The following MILR1 variants were observed in gnomAD, a reference collection of about 807,000 sequenced individuals.
MILR1 encodes allergin-1.
MILR1 carries 31 observed loss-of-function variants against 18.5 expected under a neutral mutation model. The observed-to-expected ratio is 1.68, with a 90% CI of 1.26 to 2.26. MILR1 has a LOEUF of 2.26. MILR1 is among the 30% of genes most tolerant of loss of function. The pLI is 0.00. For synonymous variants in MILR1, 85 were observed against 56.2 expected (o/e 1.51, Z -2.30); for missense variants, 257 against 157.4 (o/e 1.63, Z -3.38).
downstream of MILR1, among the ~76,000 whole-genome samples, chr17:64,472,072 A>G (rs1224832103): frequency 6.6e-6 from 1 of 152,234 alleles, no homozygotes; most frequent in African/African-American, 2.4e-5. Context: ...GAGGACTTTT[A>G]TAGGTATGAC....
At chr17:64,470,809 C>T (rs2037677283), downstream of MILR1, among the ~76,000 whole-genome samples, 1 of 152,156 alleles carries the variant, frequency 6.6e-6, no homozygotes, top group Non-Finnish European at 1.5e-5. Context: ...GAACCGTAGC[C>T]TCTCATTTTC....
the MILR1 span, chr17:64,496,690 A>ATT: frequency 6.2e-7 from 1 of 1,613,956 alleles, no homozygotes; most frequent in Non-Finnish European, 8.5e-7. Flanking sequence ...GGTGGCACCC[A>ATT]CTCAGAAGAG....
chr17:64,481,146 A>G, the MILR1 span: 1 of 426,320 alleles, frequency 2.3e-6, no homozygotes, highest in Non-Finnish European at 3.1e-6. Context: ...TCCCACTCTT[A>G]GGACAACCAC....
At chr17:64,464,054 C>A (rs2144066645) in intron 5 of MILR1, among the ~76,000 whole-genome samples, 1 of 151,608 alleles carries the variant, frequency 6.6e-6, no homozygotes, top group Non-Finnish European at 1.5e-5. Context: ...GAACTTCTGA[C>A]CTCGTGATCC....
chr17:64,485,678 A>C, the MILR1 span: 10 of 1,446,444 alleles, frequency 6.9e-6, no homozygotes, highest in South Asian at 6.9e-5. Context: ...AAGAACAAAC[A>C]AACCCATATT....
chr17:64,496,826 G>A, the MILR1 span: 2 of 1,613,744 alleles, frequency 1.2e-6, no homozygotes, highest in Non-Finnish European at 1.7e-6. Flanking sequence ...CTCGAGCTCC[G>A]CGTGCGACTT....
chr17:64,477,337 G>A, the MILR1 span, among the ~76,000 whole-genome samples: 20 of 152,290 alleles, frequency 1.3e-4, no homozygotes, highest in East Asian at 3.9e-4. Flanking sequence ...GACATCTCCC[G>A]ACTGGGATGT....
chr17:64,468,693 G>T (rs1555664020), downstream of MILR1: 81 of 1,016,302 alleles, frequency 8.0e-5, no homozygotes, highest in Non-Finnish European at 9.6e-5. Flanking sequence ...CACCTGTCTG[G>T]CATCTCCATG....
At chr17:64,478,129 AT>A in the MILR1 span, 1 of 758,022 alleles carries the variant, frequency 1.3e-6, no homozygotes, top group African/African-American at 1.8e-5. Flanking sequence ...AAAACCCAAC[AT>A]TTTTAAAGTT....
chr17:64,472,129 T>C (rs1473692872), downstream of MILR1, among the ~76,000 whole-genome samples: 1 of 152,044 alleles, frequency 6.6e-6, no homozygotes, highest in Non-Finnish European at 1.5e-5. Context: ...ATTAGATAAA[T>C]CATTTAATTA....
the MILR1 span, chr17:64,480,227 T>C: frequency 1.7e-6 from 1 of 572,168 alleles, no homozygotes; most frequent in Non-Finnish European, 3.0e-6. Context: ...GTTTCTGTAA[T>C]TCATAAACAT....
At chr17:64,468,266 T>C in intron 9 of MILR1, 44 bp from the exon 10 acceptor site, 1 of 455,938 alleles carries the variant, frequency 2.2e-6, no homozygotes, top group Non-Finnish European at 4.4e-6. Flanking sequence ...TGTCTTCACG[T>C]GGCCTTTTAT....
chr17:64,453,536 CTTTT>C (rs35572128), intron 3 of MILR1, among the ~76,000 whole-genome samples: 25 of 101,026 alleles, frequency 2.5e-4, no homozygotes, highest in African/African-American at 6.7e-4. Flanking sequence ...GCAAAAATCG[CTTTT>C]TTTTTTTTTT....
chr17:64,484,690 G>GA, the MILR1 span, among the ~76,000 whole-genome samples: 1 of 152,140 alleles, frequency 6.6e-6, no homozygotes, highest in East Asian at 1.9e-4. Flanking sequence ...GTAAGAAAAA[G>GA]AAAGGATTCC....
chr17:64,473,346 G>A (rs1382943204), downstream of MILR1, among the ~76,000 whole-genome samples: 2 of 124,546 alleles, frequency 1.6e-5, no homozygotes, highest in Admixed American at 1.6e-4. Flanking sequence ...GGAAGGCTCC[G>A]TCTCAAAAAA....
rs2144049914 is a variant in MILR1 at position 64,460,864 on chromosome 17, G to A, written c.695G>A (p.Gly232Glu). 5 of 475,210 alleles carry A rather than the reference G, an allele frequency of 1.1e-5. No homozygotes were observed. The East Asian group carries it at 1.6e-4, about 15-fold the overall frequency. The allele number at this position is 475,210 out of a possible 1,614,324, so 29.4% of individuals were successfully genotyped here. The change falls in exon 5 of 10, where the codon GGG becomes GAG. Residue 232 changes from glycine (G) to glutamate (E), a missense_variant. Gly to Glu is a moderately conservative substitution (Grantham distance 98). Coordinates refer to ENST00000619286, the MANE Select transcript of MILR1 (RefSeq NM_001085423.2). Reference sequence around the variant, plus strand: ...TTCTGTCTGAAGCTACTACTTCCAGGGTTATTACTGTTGCTGGTGGTGATA... The same window carrying A: ...TTCTGTCTGAAGCTACTACTTCCAGAGTTATTACTGTTGCTGGTGGTGATA... The part of the protein sequence containing the change: ...CPFCLKLLLP[G>E]LLLLLVVIIL...
chr17:64,485,487 G>A, the MILR1 span: 3 of 511,816 alleles, frequency 5.9e-6, no homozygotes, highest in South Asian at 2.1e-5. Context: ...AGAGATAGCT[G>A]TCTGTTCACA....
At chr17:64,459,700 G>T (rs2144043144) in intron 4 of MILR1, among the ~76,000 whole-genome samples, 1 of 152,266 alleles carries the variant, frequency 6.6e-6, no homozygotes, top group South Asian at 2.1e-4. Context: ...CTATAAAATG[G>T]GAGTGATGCC....
At chr17:64,490,860 G>A in the MILR1 span, 1 of 1,613,482 alleles carries the variant, frequency 6.2e-7, no homozygotes, top group Non-Finnish European at 8.5e-7. Flanking sequence ...GTTCCACAGG[G>A]TTTCTATTAA....
Sources: gnomAD v4.1 joint callset for allele counts (sites outside exome capture counted in the v4.1 genomes callset) on GRCh38, gnomAD v4.1.1 for gene constraint, MANE v1.5 for transcripts, NCBI Gene and HGNC (gene_info 2026-07-23, HGNC 2026-07-21) for gene names.